The following ZNF892 variants were observed in gnomAD, a reference collection of about 807,000 sequenced individuals.
The protein encoded by ZNF892 is zinc finger protein 892.
At chr2:95,215,269 C>A in the ZNF892 span, 2 of 477,674 alleles carry the variant, frequency 4.2e-6, no homozygotes, top group East Asian at 6.4e-5. Context: ...AGGACTCACA[C>A]TGGGGAGAAA....
At chr2:95,257,653 C>T in the ZNF892 span, among the ~76,000 whole-genome samples, 2 of 152,172 alleles carry the variant, frequency 1.3e-5, no homozygotes, top group Non-Finnish European at 2.9e-5. Context: ...TTGGCTATGC[C>T]CTGCCCCTAG....
the ZNF892 span, chr2:95,259,172 C>T: frequency 9.8e-5 from 15 of 152,358 alleles, no homozygotes; most frequent in Non-Finnish European, 1.3e-4. Flanking sequence ...TCCTGTTTTC[C>T]GGGAAAGAAG....
chr2:95,236,318 G>A, the ZNF892 span, among the ~76,000 whole-genome samples: 5 of 152,182 alleles, frequency 3.3e-5, no homozygotes, highest in African/African-American at 1.2e-4. Flanking sequence ...ATGTCTCAAC[G>A]TTATTTACAA....
the ZNF892 span, among the ~76,000 whole-genome samples, chr2:95,244,030 C>T: frequency 6.6e-6 from 1 of 151,266 alleles, no homozygotes; most frequent in African/African-American, 2.4e-5. Context: ...TCCTGTTGAT[C>T]TGTGACCTTA....
At chr2:95,256,209 C>G in the ZNF892 span, among the ~76,000 whole-genome samples, 2 of 152,168 alleles carry the variant, frequency 1.3e-5, no homozygotes, top group Admixed American at 1.3e-4. Context: ...GTGGCTGGTA[C>G]TGGTTGTTCC....
chr2:95,243,463 G>T, the ZNF892 span, among the ~76,000 whole-genome samples: 2 of 150,508 alleles, frequency 1.3e-5, no homozygotes, highest in Admixed American at 6.6e-5. Context: ...CTGCCCGGCC[G>T]CCCATCGTCT....
At chr2:95,235,658 G>T in the ZNF892 span, among the ~76,000 whole-genome samples, 1 of 152,170 alleles carries the variant, frequency 6.6e-6, no homozygotes, top group Non-Finnish European at 1.5e-5. Flanking sequence ...ACCACGCCCG[G>T]CCCCAGTAAA....
chr2:95,233,133 C>A, the ZNF892 span, among the ~76,000 whole-genome samples: 26 of 152,154 alleles, frequency 1.7e-4, no homozygotes, highest in African/African-American at 6.0e-4. Context: ...TTAAGGACTC[C>A]AAATTAGTTT....
chr2:95,208,268 A>G, the ZNF892 span, among the ~76,000 whole-genome samples: 3 of 152,150 alleles, frequency 2.0e-5, no homozygotes, highest in African/African-American at 7.2e-5. Flanking sequence ...GTGTTGTATT[A>G]ATATCTGAAA....
chr2:95,258,492 A>C, the ZNF892 span, among the ~76,000 whole-genome samples: 1 of 152,134 alleles, frequency 6.6e-6, no homozygotes, highest in African/African-American at 2.4e-5. Context: ...TTGGGAATGG[A>C]CGTGGGTTAC....
At chr2:95,215,180 T>A in the ZNF892 span, 1 of 455,636 alleles carries the variant, frequency 2.2e-6, no homozygotes, top group Non-Finnish European at 3.9e-6. Context: ...ACCAGAGAAC[T>A]CATACTGGGG....
At chr2:95,257,955 G>T in the ZNF892 span, among the ~76,000 whole-genome samples, 1 of 152,270 alleles carries the variant, frequency 6.6e-6, no homozygotes, top group East Asian at 1.9e-4. Flanking sequence ...TATTTTCCAG[G>T]TGCCGTCTGT....
At chr2:95,244,313 G>T in the ZNF892 span, among the ~76,000 whole-genome samples, 1 of 147,394 alleles carries the variant, frequency 6.8e-6, no homozygotes, top group African/African-American at 2.5e-5. Context: ...ATCCCCCTCT[G>T]CGAGAAACAC....
the ZNF892 span, chr2:95,208,777 A>C: frequency 2.5e-6 from 1 of 398,644 alleles, no homozygotes. Context: ...CTGTTCTCAG[A>C]GCAAGGATGT....
At chr2:95,207,901 C>G in the ZNF892 span, 1 of 398,452 alleles carries the variant, frequency 2.5e-6, no homozygotes, top group Non-Finnish European at 4.4e-6. Context: ...AAGGCTACCT[C>G]TGGCTGGCGC....
At chr2:95,241,306 G>A in the ZNF892 span, among the ~76,000 whole-genome samples, 1 of 152,202 alleles carries the variant, frequency 6.6e-6, no homozygotes, top group Non-Finnish European at 1.5e-5. Flanking sequence ...CATCTTTGCT[G>A]TTTCATAGCC....
the ZNF892 span, among the ~76,000 whole-genome samples, chr2:95,232,497 G>C: frequency 2.0e-5 from 3 of 152,180 alleles, no homozygotes; most frequent in Non-Finnish European, 2.9e-5. Flanking sequence ...AGAATGATAG[G>C]AGAGAGATTT....
chr2:95,225,652 C>G, the ZNF892 span, among the ~76,000 whole-genome samples: 1 of 152,184 alleles, frequency 6.6e-6, no homozygotes, highest in East Asian at 1.9e-4. Flanking sequence ...AAACTTTAGT[C>G]CTTTTCACAT....
the ZNF892 span, among the ~76,000 whole-genome samples, chr2:95,256,981 T>A: frequency 6.6e-6 from 1 of 152,194 alleles, no homozygotes; most frequent in East Asian, 1.9e-4. Flanking sequence ...CGTCTAATCT[T>A]TTTTCAAGGT....
Sources: gnomAD v4.1 joint callset for allele counts (sites outside exome capture counted in the v4.1 genomes callset) on GRCh38, gnomAD v4.1.1 for gene constraint, MANE v1.5 for transcripts, NCBI Gene and HGNC (gene_info 2026-07-23, HGNC 2026-07-21) for gene names.